PTPRK: variants seen among roughly 807,000 people sequenced by gnomAD.
PTPRK encodes the protein receptor-type tyrosine-protein phosphatase kappa.
PTPRK carries 75 observed loss-of-function variants against 178.0 expected under a neutral mutation model. The ratio of observed to expected loss-of-function variants is 0.42; its 90% CI spans 0.35 to 0.51. The LOEUF is 0.51. PTPRK is among the 20% of genes least tolerant of loss of function. The pLI, the probability that PTPRK is intolerant of heterozygous loss-of-function variation, is 0.02. For synonymous variants in PTPRK, 637 were observed against 620.6 expected (o/e 1.03, Z -0.39); for missense variants, 1,441 against 1,797.8 (o/e 0.80, Z 3.59).
At chr6:128,407,277 C>T (rs762364730) in intron 1 of PTPRK, among the ~76,000 whole-genome samples, 1 of 152,070 alleles carries the variant, frequency 6.6e-6, no homozygotes, top group Admixed American at 6.6e-5. Context: ...ATCAGAAGTT[C>T]GTGGTTCCTA....
chr6:128,183,784 T>C (rs950822785), intron 7 of PTPRK, among the ~76,000 whole-genome samples: 67 of 92,942 alleles, frequency 7.2e-4, no homozygotes, highest in Non-Finnish European at 8.1e-4. Context: ...TGTGGTTATA[T>C]ACAATTTTTT....
rs566744176 is a variant in PTPRK, at chr6:128,213,076, C to CT, written c.868+5845dup. ...ACTCTTAAATAAACATAGATACTAT[C>CT]TTTTTTTTAATACTTTTCAGCTTTG... On this transcript the variant is annotated intron_variant, in intron 6 of 29. Transcript: ENST00000368226. 3.6e-3 allele frequency among the ~76,000 whole-genome samples: 551 copies of CT among 151,868 alleles called. 5 individuals are homozygous for CT. Among genetic ancestry groups the CT allele is most frequent in the African/African-American group, 0.012 (504 of 41,470 alleles).
chr6:128,450,938 A>G (rs1292999045), intron 1 of PTPRK, among the ~76,000 whole-genome samples: 1 of 152,158 alleles, frequency 6.6e-6, no homozygotes, highest in Non-Finnish European at 1.5e-5. Context: ...CTTTTCATGA[A>G]ACGCCATTTT....
chr6:128,301,494 A>G (rs551714280), intron 3 of PTPRK, among the ~76,000 whole-genome samples: 1 of 152,220 alleles, frequency 6.6e-6, no homozygotes, highest in Admixed American at 6.5e-5. Context: ...AAGCACATGC[A>G]TTAATATTAT....
At chr6:128,493,502 C>T (rs553871794) in intron 1 of PTPRK, among the ~76,000 whole-genome samples, 1 of 150,774 alleles carries the variant, frequency 6.6e-6, no homozygotes, top group Non-Finnish European at 1.5e-5. Context: ...GCAGAGCTTG[C>T]AGTGAGCCGA....
chr6:127,989,055 C>T (rs887899200), intron 21 of PTPRK, among the ~76,000 whole-genome samples: 1 of 151,996 alleles, frequency 6.6e-6, no homozygotes, highest in Non-Finnish European at 1.5e-5. Context: ...TTCTAATAGG[C>T]TAATTTCTGG....
intron 7 of PTPRK, among the ~76,000 whole-genome samples, chr6:128,169,793 G>A (rs865773993): frequency 0.021 from 3,190 of 148,996 alleles, 101 homozygotes; most frequent in African/African-American, 0.046. Context: ...ATGTGTGTGT[G>A]TGTGTGTGTG....
chr6:128,202,265 G>C (rs1271157468), intron 6 of PTPRK, among the ~76,000 whole-genome samples: 1 of 152,160 alleles, frequency 6.6e-6, no homozygotes, highest in African/African-American at 2.4e-5. Flanking sequence ...TCCCAGCCAG[G>C]GGAAGCGGTG....
At chr6:128,115,881 T>C (rs529442738) in intron 7 of PTPRK, among the ~76,000 whole-genome samples, 4 of 152,180 alleles carry the variant, frequency 2.6e-5, no homozygotes, top group East Asian at 1.9e-4. Context: ...ATTTAATGCA[T>C]ACTAGTCACT....
intron 7 of PTPRK, among the ~76,000 whole-genome samples, chr6:128,180,060 A>G (rs1801673854): frequency 6.6e-6 from 1 of 152,084 alleles, no homozygotes. Context: ...ACTCTGAACT[A>G]TTGACCTTCC....
At chr6:128,123,785 T>C (rs748558280) in intron 7 of PTPRK, among the ~76,000 whole-genome samples, 1 of 152,202 alleles carries the variant, frequency 6.6e-6, no homozygotes, top group Non-Finnish European at 1.5e-5. Flanking sequence ...ACAGTTTTAA[T>C]ACGAAATAGT....
At chr6:128,193,096 T>C (rs993449485) in intron 6 of PTPRK, among the ~76,000 whole-genome samples, 1 of 152,144 alleles carries the variant, frequency 6.6e-6, no homozygotes, top group Non-Finnish European at 1.5e-5. Context: ...CATTAAGCCC[T>C]TAAAAAGTAA....
intron 7 of PTPRK, among the ~76,000 whole-genome samples, chr6:128,184,006 T>G (rs958121199): frequency 1.3e-5 from 2 of 152,192 alleles, no homozygotes; most frequent in African/African-American, 4.8e-5. Flanking sequence ...ACTTTTCTTA[T>G]CCATATTATA....
Position 128,519,640 on chromosome 6 carries a change from G to A in PTPRK, c.100+619C>T, listed in dbSNP as rs1858692494. Among the ~76,000 whole-genome samples, 1 of 152,174 alleles carries A rather than the reference G, an allele frequency of 6.6e-6. No homozygotes were observed. Among genetic ancestry groups the A allele is most frequent in the Admixed American group, 6.5e-5 (1 of 15,286 alleles). On this transcript the variant is annotated intron_variant, in intron 1 of 29. Transcript: ENST00000368226. This position sits in a 1 kb window ranked among gnomAD's most constrained non-coding sequence, Gnocchi z 4.3. The stretch of plus-strand genomic sequence containing the variant: ...GAACCGCATTTCAACACATCTTACA[G>A]GGCTCCGCCAACACACACACAGAAC...
At chr6:128,445,897 C>G (rs972749761) in intron 1 of PTPRK, among the ~76,000 whole-genome samples, 1 of 152,128 alleles carries the variant, frequency 6.6e-6, no homozygotes, top group Non-Finnish European at 1.5e-5. Flanking sequence ...CAATTAACCT[C>G]GACAGGGTTG....
In PTPRK at chr6:128,520,279, G is replaced by T; in HGVS notation, c.80C>A (p.Ala27Asp). The T allele has an allele frequency of 6.2e-7, 1 of 1,604,192 alleles. No individual in the cohort carries two copies. Among genetic ancestry groups the T allele is most frequent in the East Asian group, 2.3e-5 (1 of 44,410 alleles). ...LLSPWPLLGSAQGQFSAGGCT... is the reference protein window; with the variant it reads ...LLSPWPLLGSDQGQFSAGGCT... ...CTCACCTGCGGAGAACTGGCCTTGG[G>T]CCGATCCCAGGAGAGGCCAAGGAGA... The change falls in exon 1 of 30, where the codon GCC becomes GAC. Residue 27 changes from alanine (A) to aspartate (D), a missense_variant. Ala to Asp is a moderately radical substitution (Grantham distance 126). This residue lies in a region of PTPRK where 158 missense variants were observed against 188.0 expected (regional missense o/e 0.84). Coordinates refer to ENST00000368226, the MANE Select transcript of PTPRK (RefSeq NM_002844.4).
At position 128,378,426 on chromosome 6, in the gene PTPRK, G is replaced by C. The variant is rs1483607065; in HGVS notation, c.223+19140C>G. ...AACAATGCACACAAACATAGACTTA[G>C]AGGTAACAAAAAATGACATCAAAAG... On this transcript the variant is annotated intron_variant, in intron 2 of 29. Transcript: ENST00000368226. Among the ~76,000 whole-genome samples the C allele has an allele frequency of 2.0e-5, 3 of 152,056 alleles. No homozygotes were observed. The South Asian group carries it at 6.2e-4, about 31-fold the overall frequency.
intron 1 of PTPRK, among the ~76,000 whole-genome samples, chr6:128,506,632 T>TGGAAAAAAGTATA (rs1554284945): frequency 1.4e-5 from 2 of 138,634 alleles, no homozygotes; most frequent in Non-Finnish European, 3.1e-5. Context: ...TGCATTCCAG[T>TGGAAAAAAGTATA]CTGGTTGACA....
chr6:128,450,130 A>G (rs1483209954), intron 1 of PTPRK, among the ~76,000 whole-genome samples: 3 of 151,922 alleles, frequency 2.0e-5, no homozygotes, highest in Admixed American at 2.0e-4. Context: ...AAAAAAAAAA[A>G]AAGAAGGAAA....
Sources: gnomAD v4.1 joint callset for allele counts (sites outside exome capture counted in the v4.1 genomes callset) on GRCh38, gnomAD v4.1.1 for gene constraint, gnomAD v4.1.1 regional missense constraint, Gnocchi (gnomAD v3.1) non-coding constraint, MANE v1.5 for transcripts, NCBI Gene and HGNC (gene_info 2026-07-23, HGNC 2026-07-21) for gene names.